The following PGM5 variants were observed in gnomAD, a reference collection of about 807,000 sequenced individuals.
PGM5 encodes phosphoglucomutase 5.
Under a neutral mutation model 59.2 loss-of-function variants are expected in PGM5, and 23 were observed. The ratio of observed to expected loss-of-function variants is 0.39; its 90% CI spans 0.28 to 0.55. PGM5 has a LOEUF of 0.55. PGM5 is among the 20% of genes least tolerant of loss of function. The probability of loss-of-function intolerance (pLI) is 0.66; values close to 1 mark genes in which losing one functional copy is unlikely to be tolerated. For missense variants in PGM5, 574 were observed against 748.3 expected (o/e 0.77, Z 2.72); for synonymous variants, 214 against 286.0 (o/e 0.75, Z 2.54).
intron 7 of PGM5, chr9:68,466,076 A>G (rs1823929421): frequency 1.8e-6 from 2 of 1,139,090 alleles, no homozygotes; most frequent in Non-Finnish European, 2.3e-6. Flanking sequence ...CCAATTACAC[A>G]TGTGTTAGAT....
chr9:68,442,179 TTGATAG>T (rs782761148), intron 6 of PGM5, among the ~76,000 whole-genome samples: 4 of 152,218 alleles, frequency 2.6e-5, no homozygotes, highest in Non-Finnish European at 5.9e-5. Context: ...CCACAGGATA[TTGATAG>T]ATATAAACAA....
intron 6 of PGM5, among the ~76,000 whole-genome samples, chr9:68,417,249 G>A (rs1351810006): frequency 6.6e-6 from 1 of 152,196 alleles, no homozygotes; most frequent in Non-Finnish European, 1.5e-5. Context: ...AAAATACAGT[G>A]AGACATAATA....
At chr9:68,511,220 T>G (rs782252117) in intron 10 of PGM5, among the ~76,000 whole-genome samples, 21 of 152,230 alleles carry the variant, frequency 1.4e-4, no homozygotes, top group Non-Finnish European at 2.4e-4. Flanking sequence ...TTTCCTTCAG[T>G]GCCTGTTATC....
Position 68,494,376 on chromosome 9 carries a change from T to A in PGM5, c.1480-4851T>A, listed in dbSNP as rs189085554. On this transcript the variant is annotated intron_variant, in intron 9 of 10. Transcript: ENST00000396396. Reference sequence around the variant, plus strand: ...CTACAGTCCCAGCCCAGTGAGAGCCTATGTATGAAACCTTAAATCCTAAAG... The same window carrying A: ...CTACAGTCCCAGCCCAGTGAGAGCCAATGTATGAAACCTTAAATCCTAAAG... 3.3e-5 allele frequency among the ~76,000 whole-genome samples: 5 copies of A among 152,318 alleles called. No individual in the cohort carries two copies. The East Asian group carries it at 9.6e-4, about 29-fold the overall frequency.
chr9:68,422,017 A>G (rs1476289378), intron 6 of PGM5, among the ~76,000 whole-genome samples: 20 of 152,082 alleles, frequency 1.3e-4, no homozygotes. Flanking sequence ...GATCACTTTT[A>G]TTTATTTTAA....
intron 10 of PGM5, among the ~76,000 whole-genome samples, chr9:68,517,141 A>G (rs987940855): frequency 5.3e-5 from 8 of 150,950 alleles, no homozygotes; most frequent in Non-Finnish European, 1.0e-4. Context: ...GCCTCGGCCT[A>G]CCAAAATGCT....
At chr9:68,507,353 G>A (rs1824674640) in intron 10 of PGM5, among the ~76,000 whole-genome samples, 1 of 152,176 alleles carries the variant, frequency 6.6e-6, no homozygotes, top group Admixed American at 6.5e-5. Context: ...TAATGAATAT[G>A]TAATTTGAGG....
At chr9:68,482,119 T>G (rs1200919537) in intron 8 of PGM5, among the ~76,000 whole-genome samples, 2 of 152,198 alleles carry the variant, frequency 1.3e-5, no homozygotes, top group Non-Finnish European at 2.9e-5. Context: ...TGGAAGGCAG[T>G]GCTAGATCCT....
Position 68,500,912 on chromosome 9 carries a change from C to T in PGM5, c.1614+1551C>T, listed in dbSNP as rs141458284. Among the ~76,000 whole-genome samples, 729 of 152,144 alleles carry T rather than the reference C, an allele frequency of 4.8e-3. 5 individuals carry two copies. The highest frequency in any genetic ancestry group is 0.017 in the African/African-American group (689 of 41,530). On this transcript the variant is annotated intron_variant, in intron 10 of 10. Transcript: ENST00000396396. ...CCATTAGACAAGTGTCACAACAATC[C>T]TATACACACAAGAGTCTCTCCCTGA...
rs1821857046 is a variant in PGM5 at position 68,375,531 on chromosome 9, G to A, written c.262-2668G>A. Among the ~76,000 whole-genome samples, 6 of 152,126 alleles carry A rather than the reference G, an allele frequency of 3.9e-5. No homozygotes were observed. In the South Asian group the frequency reaches 1.2e-3, roughly 32 times the overall value. On this transcript the variant is annotated intron_variant, in intron 1 of 10. Coordinates refer to ENST00000396396, the MANE Select transcript of PGM5 (RefSeq NM_021965.4). ...CTTTCTGCTCTTGCCCCCCTTCAAG[G>A]TATTTCTCCCAGAGAATCCATTCAT...
intron 6 of PGM5, among the ~76,000 whole-genome samples, chr9:68,451,426 G>A (rs571170942): frequency 3.3e-5 from 5 of 152,158 alleles, no homozygotes; most frequent in Non-Finnish European, 1.5e-5. Flanking sequence ...AATTAAATGA[G>A]TGACTTGTAG....
At chr9:68,409,145 C>G (rs1822876745) in intron 6 of PGM5, among the ~76,000 whole-genome samples, 2 of 151,272 alleles carry the variant, frequency 1.3e-5, no homozygotes, top group Non-Finnish European at 1.5e-5. Flanking sequence ...CACTGGCCAT[C>G]AGAGAAATGC....
At position 68,384,517 on chromosome 9, in the gene PGM5, C is replaced by G. The variant is rs782153834; in HGVS notation, c.544C>G (p.Leu182Val). Residue 182 changes from leucine (L) to valine (V), a missense_variant, in exon 3 of 11, where the codon CTA becomes GTA. Physicochemically the swap from Leu to Val is conservative, Grantham distance 32. Transcript: ENST00000396396. ...LSRLGRQEFD[L>V]ENKFKPFRVE... ...TCGACTAGGAAGACAAGAATTTGAC[C>G]TAGAAAACAAATTCAAACCATTCAG... 1 of 1,610,214 alleles carries G rather than the reference C, an allele frequency of 6.2e-7. No individual in the cohort carries two copies. The highest frequency in any genetic ancestry group is 1.3e-5 in the African/African-American group (1 of 74,808).
intron 1 of PGM5, among the ~76,000 whole-genome samples, chr9:68,368,467 T>C (rs1554676885): frequency 1.3e-5 from 2 of 151,836 alleles, no homozygotes; most frequent in East Asian, 1.9e-4. Context: ...TCAAAGAAGA[T>C]GCAGGTCAGG....
At chr9:68,391,830 A>G (rs1312570567) in intron 5 of PGM5, 106 bp downstream of exon 5, 8 of 1,163,804 alleles carry the variant, frequency 6.9e-6, no homozygotes, top group Non-Finnish European at 8.5e-6. Context: ...TGTATGGGAC[A>G]TGTGTGCCCT....
At chr9:68,377,706 T>A (rs1303666522) in intron 1 of PGM5, among the ~76,000 whole-genome samples, 1 of 152,274 alleles carries the variant, frequency 6.6e-6, no homozygotes, top group Non-Finnish European at 1.5e-5. Context: ...AAGTCATTCC[T>A]GAAGATTACA....
intron 8 of PGM5, among the ~76,000 whole-genome samples, chr9:68,481,424 C>T (rs1824194515): frequency 6.6e-6 from 1 of 152,150 alleles, no homozygotes; most frequent in Admixed American, 6.5e-5. Context: ...TACCAAAACC[C>T]CCTGATTCAT....
At position 68,453,463 on chromosome 9, in the gene PGM5, C is replaced by T. The variant is rs113557028; in HGVS notation, c.1044-11630C>T. Among the ~76,000 whole-genome samples the T allele has an allele frequency of 4.3e-3, 651 of 152,200 alleles. 2 individuals carry two copies. Among genetic ancestry groups the T allele is most frequent in the African/African-American group, 0.014 (596 of 41,524 alleles). ...AAGCAATCCTCCCATCTCAGCCTCC[C>T]AAGTAGATGAGACTACAGGTGCACA... is the stretch of plus-strand genomic sequence containing the variant. On this transcript the variant is annotated intron_variant, in intron 6 of 10. Transcript: ENST00000396396.
chr9:68,380,960 A>G (rs1251758380), intron 2 of PGM5, among the ~76,000 whole-genome samples: 7 of 151,942 alleles, frequency 4.6e-5, no homozygotes, highest in Non-Finnish European at 8.8e-5. Flanking sequence ...CAAAATAGAA[A>G]AGCCTAGGAC....
Sources: gnomAD v4.1 joint callset for allele counts (sites outside exome capture counted in the v4.1 genomes callset) on GRCh38, gnomAD v4.1.1 for gene constraint, MANE v1.5 for transcripts, NCBI Gene and HGNC (gene_info 2026-07-23, HGNC 2026-07-21) for gene names.